Variants in SLC4A10 observed in about 807,000 individuals in gnomAD.
SLC4A10 encodes the protein solute carrier family 4 member 10, also known as sodium-driven chloride bicarbonate exchanger.
Under a neutral mutation model 137.7 loss-of-function variants are expected in SLC4A10, and 42 were observed. The observed-to-expected ratio is 0.30, with a 90% CI of 0.24 to 0.39. The LOEUF is 0.39. SLC4A10 is among the 10% of genes least tolerant of loss of function. The probability of loss-of-function intolerance (pLI) is 1.00; values close to 1 mark genes in which losing one functional copy is unlikely to be tolerated. For missense variants in SLC4A10, 925 were observed against 1,355.0 expected (o/e 0.68, Z 4.98); for synonymous variants, 474 against 464.1 (o/e 1.02, Z -0.27).
chr2:161,953,235 G>A (rs981952645), intron 19 of SLC4A10, among the ~76,000 whole-genome samples: 14 of 152,080 alleles, frequency 9.2e-5, no homozygotes, highest in African/African-American at 3.4e-4. Context: ...ACATATTTTA[G>A]ATCTTTTTAC....
At chr2:161,866,931 A>G (rs907820328) in intron 6 of SLC4A10, among the ~76,000 whole-genome samples, 9 of 151,898 alleles carry the variant, frequency 5.9e-5, no homozygotes, top group African/African-American at 1.7e-4. Context: ...ATTCTGCTCT[A>G]TCCTTTACTA....
intron 2 of SLC4A10, among the ~76,000 whole-genome samples, chr2:161,785,641 G>A (rs1279757813): frequency 1.3e-5 from 2 of 151,568 alleles, no homozygotes; most frequent in South Asian, 2.1e-4. Flanking sequence ...ATTTAACATC[G>A]TTTCATGATA....
intron 16 of SLC4A10, among the ~76,000 whole-genome samples, chr2:161,943,961 A>G (rs1246159712): frequency 6.6e-5 from 10 of 151,892 alleles, no homozygotes; most frequent in Admixed American, 6.6e-4. Flanking sequence ...ATTGAAATCA[A>G]ATTACTTACT....
intron 15 of SLC4A10, among the ~76,000 whole-genome samples, chr2:161,908,385 A>G (rs1181818726): frequency 1.4e-5 from 2 of 138,478 alleles, no homozygotes; most frequent in Admixed American, 1.6e-4. Flanking sequence ...GAACTGAACA[A>G]TGAGAACACA....
chr2:161,709,622 A>T (rs954200024), intron 1 of SLC4A10: 1 of 151,546 alleles, frequency 6.6e-6, no homozygotes, highest in African/African-American at 2.4e-5. Flanking sequence ...TTCATTTTCA[A>T]ACTGAAAATA....
rs550436806 is a variant in SLC4A10, at chr2:161,689,939, C to T, written c.48+65373C>T. Among the ~76,000 whole-genome samples the T allele has an allele frequency of 4.4e-4, 67 of 152,232 alleles. No individual in the cohort carries two copies. In the South Asian group the frequency reaches 0.011, roughly 26 times the overall value. ...GAACACACCAGGCTCCCAGACTCCT[C>T]AAAACTTTTCTGTTCTCTGAAGAAT... On this transcript the variant is annotated intron_variant, in intron 1 of 26. Transcript: ENST00000446997.
intron 1 of SLC4A10, among the ~76,000 whole-genome samples, chr2:161,702,744 G>A (rs1574451945): frequency 6.6e-6 from 1 of 151,874 alleles, no homozygotes; most frequent in Non-Finnish European, 1.5e-5. Context: ...CAATTAGTCT[G>A]CTTTGCCAAC....
intron 10 of SLC4A10, among the ~76,000 whole-genome samples, chr2:161,886,829 A>G (rs1236602678): frequency 6.6e-6 from 1 of 152,106 alleles, no homozygotes; most frequent in African/African-American, 2.4e-5. Flanking sequence ...TCTGGAATAC[A>G]TGTGCAGAAC....
intron 1 of SLC4A10, among the ~76,000 whole-genome samples, chr2:161,739,892 G>A (rs1456684457): frequency 6.6e-6 from 1 of 152,068 alleles, no homozygotes; most frequent in Non-Finnish European, 1.5e-5. Flanking sequence ...TCCTGGAAGG[G>A]GCTCTTTCAA....
rs533360480 is a variant in SLC4A10, at chr2:161,735,690, G to A, written c.49-35283G>A. Reference sequence around the variant, plus strand: ...TGATGTCTGAAGGATCCAACCCTTCGTAGAATGGCCAGGAACCAAAGCTAA... The same window carrying A: ...TGATGTCTGAAGGATCCAACCCTTCATAGAATGGCCAGGAACCAAAGCTAA... On this transcript the variant is annotated intron_variant, in intron 1 of 26. Transcript: ENST00000446997. Among the ~76,000 whole-genome samples the A allele has an allele frequency of 3.9e-5, 6 of 152,212 alleles. No homozygotes were observed. In the South Asian group the frequency reaches 8.3e-4, roughly 21 times the overall value.
intron 1 of SLC4A10, among the ~76,000 whole-genome samples, chr2:161,665,663 A>G (rs902528948): frequency 2.2e-4 from 34 of 151,772 alleles, no homozygotes; most frequent in Middle Eastern, 3.4e-3. Context: ...CTGGAAAGAA[A>G]TATTTATTTT....
At chr2:161,835,672 C>G (rs973512139) in intron 3 of SLC4A10, among the ~76,000 whole-genome samples, 2 of 152,154 alleles carry the variant, frequency 1.3e-5, no homozygotes, top group Admixed American at 6.5e-5. Flanking sequence ...TCTTCTTTAG[C>G]CTCAGTTCAT....
chr2:161,782,907 G>C (rs1327518012), intron 2 of SLC4A10, among the ~76,000 whole-genome samples: 1 of 149,416 alleles, frequency 6.7e-6, no homozygotes, highest in African/African-American at 2.5e-5. Context: ...AAGGAGAAGA[G>C]AGAAGGAAAG....
chr2:161,840,157 T>C (rs1325512538), intron 4 of SLC4A10, among the ~76,000 whole-genome samples: 1 of 152,164 alleles, frequency 6.6e-6, no homozygotes, highest in Non-Finnish European at 1.5e-5. Context: ...GTCTTAAAGA[T>C]AAACAGTAAC....
intron 19 of SLC4A10, among the ~76,000 whole-genome samples, chr2:161,954,984 A>T (rs1225308553): frequency 6.6e-6 from 1 of 152,028 alleles, no homozygotes; most frequent in African/African-American, 2.4e-5. Flanking sequence ...TACAAGCCTG[A>T]CTCTCAAGGC....
intron 15 of SLC4A10, among the ~76,000 whole-genome samples, chr2:161,932,650 A>G (rs529236284): frequency 1.3e-5 from 2 of 152,304 alleles, no homozygotes; most frequent in South Asian, 2.1e-4. Context: ...TGGATTGGGC[A>G]TCTGTGGTGG....
intron 2 of SLC4A10, among the ~76,000 whole-genome samples, chr2:161,802,541 A>G (rs542093560): frequency 9.1e-4 from 139 of 152,234 alleles, no homozygotes; most frequent in Non-Finnish European, 1.7e-3. Context: ...TACAATTTCA[A>G]TTACATGTCT....
At chr2:161,705,605 A>C (rs2043574342) in intron 1 of SLC4A10, among the ~76,000 whole-genome samples, 1 of 151,598 alleles carries the variant, frequency 6.6e-6, no homozygotes, top group African/African-American at 2.4e-5. Flanking sequence ...GCATTAGGTG[A>C]GACATTTGGG....
At chr2:161,703,346 C>T (rs1474606397) in intron 1 of SLC4A10, among the ~76,000 whole-genome samples, 1 of 151,482 alleles carries the variant, frequency 6.6e-6, no homozygotes, top group Non-Finnish European at 1.5e-5. Flanking sequence ...AGCCATTAAA[C>T]ATTATGTTAT....
Sources: allele counts gnomAD v4.1 joint callset (sites outside exome capture counted in the v4.1 genomes callset), GRCh38; gene constraint gnomAD v4.1.1; transcripts MANE v1.5; gene names NCBI Gene and HGNC (gene_info 2026-07-23, HGNC 2026-07-21).